Variants in CENPM observed in about 807,000 individuals in gnomAD.
The protein encoded by CENPM is interphase centromere complex protein 39.
In CENPM, 14 loss-of-function variants were observed where a neutral mutation model predicts 19.6. The observed-to-expected ratio is 0.71, with a 90% CI of 0.47 to 1.11. CENPM has a LOEUF of 1.11. Among genes scored for constraint, CENPM ranks in the 50% most tolerant of loss-of-function variants. The pLI, the probability that CENPM is intolerant of heterozygous loss-of-function variation, is 0.00. For synonymous variants in CENPM, 114 were observed against 101.5 expected (o/e 1.12, Z -0.74); for missense variants, 239 against 228.4 (o/e 1.05, Z -0.30).
At chr22:41,944,472 CA>C (rs1259903666) in intron 4 of CENPM, among the ~76,000 whole-genome samples, 1 of 147,724 alleles carries the variant, frequency 6.8e-6, no homozygotes, top group African/African-American at 2.5e-5. Flanking sequence ...GGCCCTGTAA[CA>C]GGACTTACCT....
the CENPM span, among the ~76,000 whole-genome samples, chr22:41,932,239 G>A: frequency 1.3e-5 from 2 of 152,200 alleles, no homozygotes; most frequent in African/African-American, 2.4e-5. The surrounding 1 kb of genome is among the most constrained non-coding windows in gnomAD (Gnocchi z 4.3). Context: ...CCCTTCTCCT[G>A]TATTTAAAAG....
chr22:41,945,473 T>C (rs1192957771), intron 3 of CENPM, 169 bp from the exon 4 acceptor site: 8 of 1,212,124 alleles, frequency 6.6e-6, no homozygotes, highest in African/African-American at 3.1e-5. Flanking sequence ...TTTTTTTAGA[T>C]GGAGTTTCAC....
intron 5 of CENPM, among the ~76,000 whole-genome samples, chr22:41,942,852 T>C (rs895987252): frequency 1.1e-4 from 17 of 151,944 alleles, no homozygotes; most frequent in African/African-American, 4.1e-4. Context: ...GGAGGTTCAC[T>C]TGAGCCCAGG....
the CENPM span, among the ~76,000 whole-genome samples, chr22:41,930,513 CTTTTT>C: frequency 2.0e-5 from 3 of 150,888 alleles, no homozygotes; most frequent in East Asian, 5.8e-4. Flanking sequence ...AATTTCTTTT[CTTTTT>C]TTTTGAGATG....
At chr22:41,934,708 T>A (rs2077676791), downstream of CENPM, among the ~76,000 whole-genome samples, 1 of 152,166 alleles carries the variant, frequency 6.6e-6, no homozygotes, top group Admixed American at 6.5e-5. Flanking sequence ...TTGCCAGTCC[T>A]CAACTAGCTA....
downstream of CENPM, among the ~76,000 whole-genome samples, chr22:41,935,402 C>A (rs1165168205): frequency 2.6e-5 from 4 of 152,100 alleles, no homozygotes; most frequent in African/African-American, 7.2e-5. Flanking sequence ...TTCCATCAGC[C>A]CCGCCAAAGA....
the CENPM span, among the ~76,000 whole-genome samples, chr22:41,932,868 C>T: frequency 3.9e-5 from 6 of 152,322 alleles, no homozygotes; most frequent in African/African-American, 9.6e-5. This position sits in a 1 kb window ranked among gnomAD's most constrained non-coding sequence, Gnocchi z 4.3. Flanking sequence ...GATGCCTCCC[C>T]GTCACTCGCC....
At chr22:41,929,741 C>T in the CENPM span, among the ~76,000 whole-genome samples, 2 of 132,122 alleles carry the variant, frequency 1.5e-5, no homozygotes, top group African/African-American at 5.6e-5. Context: ...CTGCGGGATT[C>T]GTGTCTGTGT....
intron 5 of CENPM, among the ~76,000 whole-genome samples, chr22:41,941,070 G>A (rs2077734569): frequency 6.6e-6 from 1 of 152,194 alleles, no homozygotes; most frequent in Non-Finnish European, 1.5e-5. Context: ...ATGAGATTCT[G>A]AGAGGGCAGG....
chr22:41,934,097 C>T (rs990944616), downstream of CENPM, among the ~76,000 whole-genome samples: 19 of 152,230 alleles, frequency 1.2e-4, no homozygotes, highest in Non-Finnish European at 2.5e-4. Flanking sequence ...TCGGAGGCTG[C>T]TCCTGTTCCC....
downstream of CENPM, among the ~76,000 whole-genome samples, chr22:41,935,730 C>G (rs372950454): frequency 1.4e-4 from 22 of 152,360 alleles, no homozygotes; most frequent in African/African-American, 5.1e-4. Context: ...TCCTGCCACC[C>G]CCTGCCCTCT....
At chr22:41,946,704 A>G (rs2077808522) in intron 1 of CENPM, 1 of 597,996 alleles carries the variant, frequency 1.7e-6, no homozygotes, top group African/African-American at 1.9e-5. Flanking sequence ...CGCACTCTCT[A>G]CTACCCGACC....
At chr22:41,942,987 G>A (rs1298169598) in intron 5 of CENPM, among the ~76,000 whole-genome samples, 6 of 151,996 alleles carry the variant, frequency 3.9e-5, no homozygotes, top group Admixed American at 6.6e-5. Context: ...CCTACCCCTC[G>A]TGGTTAGTTT....
chr22:41,938,063 C>T (rs367962643), downstream of CENPM, among the ~76,000 whole-genome samples: 26 of 151,494 alleles, frequency 1.7e-4, no homozygotes, highest in African/African-American at 6.3e-4. Context: ...AGGATGGTCT[C>T]GATCTCCTGA....
intron 5 of CENPM, among the ~76,000 whole-genome samples, chr22:41,939,844 G>A (rs868769138): frequency 1.5e-5 from 1 of 65,734 alleles, no homozygotes; most frequent in African/African-American, 1.2e-4. Context: ...GAAAGAAAAA[G>A]AAAGAAAGAA....
intron 5 of CENPM, chr22:41,940,090 AC>A (rs2077725270): frequency 1.4e-6 from 1 of 733,832 alleles, no homozygotes; most frequent in Non-Finnish European, 2.5e-6. Context: ...CTCCACCCCA[AC>A]CCGCCCTTTG....
the CENPM span, among the ~76,000 whole-genome samples, chr22:41,932,518 C>T: frequency 6.6e-6 from 1 of 152,230 alleles, no homozygotes; most frequent in Non-Finnish European, 1.5e-5. This position sits in a 1 kb window ranked among gnomAD's most constrained non-coding sequence, Gnocchi z 4.3. Context: ...TGGGCTGGAG[C>T]TGCCTGTCAT....
chr22:41,936,659 A>G (rs1314857771), downstream of CENPM, among the ~76,000 whole-genome samples: 1 of 152,094 alleles, frequency 6.6e-6, no homozygotes, highest in African/African-American at 2.4e-5. Context: ...GGCCGCGGTG[A>G]CTCTCACACC....
chr22:41,934,078 C>T (rs776489577), downstream of CENPM, among the ~76,000 whole-genome samples: 2 of 152,216 alleles, frequency 1.3e-5, no homozygotes, highest in Non-Finnish European at 2.9e-5. Flanking sequence ...GACCCCAAGT[C>T]GGTGGGACTC....
Sources: gnomAD v4.1 joint callset for allele counts (sites outside exome capture counted in the v4.1 genomes callset) on GRCh38, gnomAD v4.1.1 for gene constraint, Gnocchi (gnomAD v3.1) non-coding constraint, MANE v1.5 for transcripts, NCBI Gene and HGNC (gene_info 2026-07-23, HGNC 2026-07-21) for gene names.